ANKAR: variants seen among roughly 807,000 people sequenced by gnomAD.
ANKAR encodes the protein ankyrin and armadillo repeat containing.
Under a neutral mutation model 146.2 loss-of-function variants are expected in ANKAR, and 136 were observed. The ratio of observed to expected loss-of-function variants is 0.93; its 90% CI spans 0.81 to 1.07. The LOEUF (loss-of-function observed/expected upper bound fraction) is 1.07. Ranked by LOEUF, ANKAR falls within the 50% of genes least tolerant of loss-of-function variation. ANKAR has a pLI of 0.00. For missense variants in ANKAR, 1,567 were observed against 1,679.9 expected (o/e 0.93, Z 1.18); for synonymous variants, 500 against 575.8 (o/e 0.87, Z 1.88).
chr2:189,736,583 C>CAGGGT (rs1451377802), intron 17 of ANKAR, among the ~76,000 whole-genome samples: 1 of 137,984 alleles, frequency 7.2e-6, no homozygotes, highest in Non-Finnish European at 1.5e-5. Flanking sequence ...TATAAAATGA[C>CAGGGT]AGGGTAGCAT....
intron 20 of ANKAR, among the ~76,000 whole-genome samples, chr2:189,741,666 C>T (rs1177985561): frequency 1.3e-5 from 2 of 152,080 alleles, no homozygotes; most frequent in Non-Finnish European, 2.9e-5. Flanking sequence ...ATTAGTCATA[C>T]ATATCTGCCA....
At chr2:189,732,575 C>T (rs13390239) in intron 16 of ANKAR, among the ~76,000 whole-genome samples, 5,288 of 145,590 alleles carry the variant, frequency 0.036, 303 homozygotes, top group African/African-American at 0.12. Flanking sequence ...GCAGGAGAAT[C>T]GCTTGAACCC....
Position 189,708,995 on chromosome 2 carries a change from G to A in ANKAR, c.2119+1849G>A, listed in dbSNP as rs145451045. On this transcript the variant is annotated intron_variant, in intron 9 of 22. Transcript: ENST00000684021. ...CACGTGCCTGTAGTCCTAGCTCCTC[G>A]GGAGGCTGAGGCAGGAGAATCACTT... Among the ~76,000 whole-genome samples the A allele has an allele frequency of 6.5e-3, 983 of 152,152 alleles. 20 individuals carry two copies. Among genetic ancestry groups the A allele is most frequent in the African/African-American group, 0.022 (915 of 41,504 alleles).
intron 9 of ANKAR, among the ~76,000 whole-genome samples, chr2:189,708,265 G>T: frequency 6.6e-6 from 1 of 152,246 alleles, no homozygotes; most frequent in African/African-American, 2.4e-5. Context: ...AGTACAAAAA[G>T]ATATTTTGAG....
At chr2:189,712,417 A>T (rs1194943965) in intron 10 of ANKAR, among the ~76,000 whole-genome samples, 1 of 152,192 alleles carries the variant, frequency 6.6e-6, no homozygotes, top group African/African-American at 2.4e-5. Flanking sequence ...TCAGGCAGCA[A>T]TATTTGCTGT....
chr2:189,753,769 A>G, intron 18 of ANKAR: 1 of 827,946 alleles, frequency 1.2e-6, no homozygotes, highest in Non-Finnish European at 1.8e-6. Context: ...AATGGCTGTT[A>G]GTCTTTCCTA....
chr2:189,706,425 GA>G (rs1257540843), intron 8 of ANKAR, among the ~76,000 whole-genome samples: 1 of 151,952 alleles, frequency 6.6e-6, no homozygotes, highest in Admixed American at 6.6e-5. Flanking sequence ...AAGAAGCTGG[GA>G]AATGTAATAT....
At chr2:189,746,267 G>A (rs941028943) in intron 22 of ANKAR, 113 bp from the exon 23 acceptor site, 55 of 1,280,842 alleles carry the variant, frequency 4.3e-5, no homozygotes, top group Non-Finnish European at 5.0e-5. Flanking sequence ...GTACTGATCT[G>A]TTCTCTTAGT....
chr2:189,709,138 T>G (rs550589675), intron 9 of ANKAR, among the ~76,000 whole-genome samples: 1 of 147,684 alleles, frequency 6.8e-6, no homozygotes, highest in Middle Eastern at 3.4e-3. Flanking sequence ...AAATTACCTG[T>G]TTAAAAAAAA....
At chr2:189,720,584 C>T (rs2041129112) in intron 11 of ANKAR, 35 bp from the exon 12 acceptor site, 5 of 1,284,126 alleles carry the variant, frequency 3.9e-6, no homozygotes, top group Non-Finnish European at 5.1e-6. Context: ...TTATCTTAAA[C>T]AAATTCAAAT....
intron 12 of ANKAR, among the ~76,000 whole-genome samples, chr2:189,725,042 G>A (rs1489790036): frequency 6.6e-6 from 1 of 152,110 alleles, no homozygotes; most frequent in Non-Finnish European, 1.5e-5. Context: ...GAGCTTGTAT[G>A]TCATAATGAT....
intron 2 of ANKAR, among the ~76,000 whole-genome samples, chr2:189,687,694 G>T: frequency 6.6e-6 from 1 of 152,150 alleles, no homozygotes; most frequent in South Asian, 2.1e-4. Context: ...GTTTTGATTT[G>T]CATTTCTCTG....
At chr2:189,754,333 G>A in intron 18 of ANKAR, 1 of 1,604,344 alleles carries the variant, frequency 6.2e-7, no homozygotes, top group Non-Finnish European at 8.5e-7. Flanking sequence ...ATTAAAGAAA[G>A]TCTTCTTGCC....
At position 189,676,596 on chromosome 2, in the gene ANKAR, G is replaced by C. The variant is rs961396627; in HGVS notation, c.106G>C (p.Glu36Gln). Residue 36 changes from glutamate (E) to glutamine (Q), a missense_variant, in exon 2 of 23, where the codon GAA becomes CAA. Glu to Gln is a conservative substitution (Grantham distance 29, BLOSUM62 2). Coordinates refer to ENST00000684021, the MANE Select transcript of ANKAR (RefSeq NM_001378068.1). ...AIQRNASAFF[E>Q]KYDRSEIQEL... ...ACAAAGAAATGCATCTGCTTTTTTT[G>C]AAAAATATGATCGGAGTGAAATACA... The C allele has an allele frequency of 1.9e-6, 3 of 1,612,896 alleles. No individual in the cohort carries two copies. Among genetic ancestry groups the C allele is most frequent in the Non-Finnish European group, 1.7e-6 (2 of 1,179,834 alleles).
intron 12 of ANKAR, among the ~76,000 whole-genome samples, chr2:189,722,533 C>T (rs1156804310): frequency 2.0e-5 from 3 of 151,840 alleles, no homozygotes; most frequent in Non-Finnish European, 2.9e-5. Flanking sequence ...GATGCTGTAA[C>T]AAAGTACAAA....
At position 189,753,818 on chromosome 2, in the gene ANKAR, A is replaced by C; in HGVS notation, c.*585-7280A>C. On this transcript the variant is annotated intron_variant and NMD_transcript_variant, in intron 18 of 18. Transcript: ENST00000441800. ...CATACTGTCAGGGCTAGCATAAGGC[A>C]TAAAGATCTGTTCATCCTAAACACA... 2.3e-6 allele frequency: 3 copies of C among 1,289,600 alleles called. No homozygotes were observed. The South Asian group carries it at 4.2e-5, about 18-fold the overall frequency. 79.9% of individuals were successfully genotyped at this position (1,289,600 alleles called of 1,614,324 possible). A position where few individuals can be genotyped will look rare whatever the true frequency, so the allele number is the denominator to read the frequency against.
At chr2:189,708,298 C>T (rs1300098376) in intron 9 of ANKAR, among the ~76,000 whole-genome samples, 2 of 152,192 alleles carry the variant, frequency 1.3e-5, no homozygotes, top group Non-Finnish European at 1.5e-5. Flanking sequence ...AGCACATTCA[C>T]ATAACTTCTA....
chr2:189,693,722 G>A (rs1480714053), intron 5 of ANKAR, among the ~76,000 whole-genome samples: 2 of 151,212 alleles, frequency 1.3e-5, no homozygotes, highest in African/African-American at 4.9e-5. Flanking sequence ...GACCAGACTG[G>A]GCACCAGAGT....
intron 20 of ANKAR, among the ~76,000 whole-genome samples, chr2:189,742,963 CACACACACACACACA>C (rs1279829502): frequency 1.4e-4 from 20 of 141,998 alleles, no homozygotes; most frequent in South Asian, 4.5e-4. Context: ...CACACACACA[CACACACACACACACA>C]CACCCCTGAA....
Sources: gnomAD v4.1 joint callset for allele counts (sites outside exome capture counted in the v4.1 genomes callset) on GRCh38, gnomAD v4.1.1 for gene constraint, MANE v1.5 for transcripts, NCBI Gene and HGNC (gene_info 2026-07-23, HGNC 2026-07-21) for gene names.